MED12L: variants seen among roughly 807,000 people sequenced by gnomAD.
MED12L encodes the protein mediator complex subunit 12L.
A neutral mutation model predicts 281.3 loss-of-function variants in MED12L; 60 were observed. That is an observed-to-expected ratio of 0.21 (90% CI 0.17 to 0.26). The LOEUF is 0.26. Among genes scored for constraint, MED12L ranks in the 10% least tolerant of loss-of-function variants. The pLI is 1.00. For synonymous variants in MED12L, 974 were observed against 987.2 expected (o/e 0.99, Z 0.25); for missense variants, 2,146 against 2,680.9 (o/e 0.80, Z 4.41).
chr3:151,342,004 T>C (rs574777857), intron 16 of MED12L, among the ~76,000 whole-genome samples: 30 of 152,292 alleles, frequency 2.0e-4, no homozygotes, highest in Admixed American at 1.0e-3. Context: ...TGGTTCCAAG[T>C]CTTTGCTATT....
chr3:151,158,108 G>T (rs905442452), intron 6 of MED12L, among the ~76,000 whole-genome samples: 1 of 152,136 alleles, frequency 6.6e-6, no homozygotes, highest in Non-Finnish European at 1.5e-5. Flanking sequence ...ATTGTAGGGG[G>T]TATTACTGTT....
chr3:151,110,324 A>G (rs778134947), intron 2 of MED12L, among the ~76,000 whole-genome samples: 42 of 152,184 alleles, frequency 2.8e-4, no homozygotes, highest in Admixed American at 1.7e-3. Flanking sequence ...AATGCTGCCT[A>G]ATACCATTAA....
Position 151,369,369 on chromosome 3 carries a change from C to A in MED12L, c.3551-67C>A, listed in dbSNP as rs988009831. Reference sequence around the variant, plus strand: ...AGTCTAACAATGAAAGGCTGACTGCCTGTAAATAATTACAAAACATTACTA... The same window carrying A: ...AGTCTAACAATGAAAGGCTGACTGCATGTAAATAATTACAAAACATTACTA... On this transcript the variant is annotated intron_variant, in intron 25 of 44. Transcript: ENST00000687756. 4 of 1,112,500 alleles carry A rather than the reference C, an allele frequency of 3.6e-6. No individual in the cohort carries two copies. In the African/African-American group the frequency reaches 4.7e-5, roughly 13 times the overall value. 68.9% of individuals were successfully genotyped at this position (1,112,500 alleles called of 1,614,324 possible).
intron 16 of MED12L, among the ~76,000 whole-genome samples, chr3:151,255,357 A>G (rs550032893): frequency 1.5e-4 from 23 of 152,150 alleles, no homozygotes; most frequent in African/African-American, 4.8e-4. Context: ...CCATAGTTCA[A>G]AAGTTGGGGG....
At chr3:151,300,409 C>T (rs977561458) in intron 16 of MED12L, among the ~76,000 whole-genome samples, 1 of 152,164 alleles carries the variant, frequency 6.6e-6, no homozygotes, top group Admixed American at 6.5e-5. Context: ...CATACCTTAA[C>T]ATTTCTGAGC....
Position 151,394,877 on chromosome 3 carries a change from G to T in MED12L, c.5820+10G>T, listed in dbSNP as rs761011900. 2 of 1,613,590 alleles carry T rather than the reference G, an allele frequency of 1.2e-6. No individual in the cohort carries two copies. The highest frequency in any genetic ancestry group is 1.1e-5 in the South Asian group (1 of 91,034). ...TCGGCCTTTCCAACAGGTTTGTCCAGACCCCAGCAATGGAGTCCTTTGCAT... is the reference window on the plus strand; with the variant it reads ...TCGGCCTTTCCAACAGGTTTGTCCATACCCCAGCAATGGAGTCCTTTGCAT... On this transcript the variant is annotated intron_variant, in intron 39 of 44. Transcript: ENST00000687756.
chr3:151,118,934 G>T (rs1469035122), intron 3 of MED12L, among the ~76,000 whole-genome samples: 2 of 152,128 alleles, frequency 1.3e-5, no homozygotes, highest in African/African-American at 4.8e-5. Context: ...TAATCTGCCT[G>T]CCTTGGCCTC....
intron 11 of MED12L, among the ~76,000 whole-genome samples, chr3:151,169,041 T>C (rs531856956): frequency 6.6e-6 from 1 of 152,212 alleles, no homozygotes; most frequent in African/African-American, 2.4e-5. Context: ...GGTATATATG[T>C]ATATGTAATC....
chr3:151,213,748 A>G, intron 16 of MED12L: 2 of 1,614,180 alleles, frequency 1.2e-6, no homozygotes, highest in Non-Finnish European at 1.7e-6. Flanking sequence ...GGCCACGAAG[A>G]TGTAGTTTGA....
At chr3:151,295,154 C>T (rs1368040958) in intron 16 of MED12L, 1 of 1,613,212 alleles carries the variant, frequency 6.2e-7, no homozygotes, top group Admixed American at 1.7e-5. Flanking sequence ...GGTGTTCTTT[C>T]CTGGCCCGTC....
chr3:151,355,575 A>G (rs1753808581), intron 18 of MED12L, among the ~76,000 whole-genome samples: 1 of 152,234 alleles, frequency 6.6e-6, no homozygotes, highest in Non-Finnish European at 1.5e-5. Context: ...GACATTGAGA[A>G]GAAAACACAT....
intron 43 of MED12L, chr3:151,425,772 A>T (rs992639701): frequency 1.1e-5 from 5 of 456,536 alleles, no homozygotes; most frequent in Non-Finnish European, 2.2e-5. Flanking sequence ...ATGTTAAACC[A>T]TATGTTTGCT....
chr3:151,284,779 T>C (rs1197673778), intron 16 of MED12L, among the ~76,000 whole-genome samples: 2 of 152,200 alleles, frequency 1.3e-5, no homozygotes, highest in Non-Finnish European at 2.9e-5. Context: ...TGGCTAATTT[T>C]GTATTTTCAG....
At position 151,106,258 on chromosome 3, in the gene MED12L, CT is replaced by C. The variant is rs1478022129; in HGVS notation, c.100-10076del. Among the ~76,000 whole-genome samples the C allele has an allele frequency of 5.1e-5, 7 of 137,776 alleles. No homozygotes were observed. In the East Asian group the frequency reaches 1.2e-3, roughly 24 times the overall value. The allele number at this position is 137,776 out of a possible 152,430, so 90.4% of individuals were successfully genotyped here. ...CTTCCTTTCCTTTCCTTTCCTTTTCCTTTTCCCTTTCCCTTTCCCTTTCCTT... is the reference window on the plus strand; with the variant it reads ...CTTCCTTTCCTTTCCTTTCCTTTTCCTTTCCCTTTCCCTTTCCCTTTCCTT... On this transcript the variant is annotated intron_variant, in intron 2 of 44. Transcript: ENST00000687756.
chr3:151,412,306 C>G (rs535395539), intron 41 of MED12L, among the ~76,000 whole-genome samples: 2 of 152,190 alleles, frequency 1.3e-5, no homozygotes, highest in Non-Finnish European at 2.9e-5. Context: ...AAGTTTTGAT[C>G]AGGGAGCCTT....
chr3:151,211,614 T>A (rs980345735), intron 16 of MED12L, among the ~76,000 whole-genome samples: 7 of 152,204 alleles, frequency 4.6e-5, no homozygotes, highest in African/African-American at 1.7e-4. Flanking sequence ...GAGTTTTGCC[T>A]AAAATATTGA....
Position 151,432,816 on chromosome 3 carries a change from G to C in MED12L, c.*12G>C, listed in dbSNP as rs772503725. 1.9e-6 allele frequency: 3 copies of C among 1,608,190 alleles called. No homozygotes were observed. The African/African-American group carries it at 4.0e-5, about 22-fold the overall frequency. ...CTTCACACTTCTGAATCTGCAAGAG[G>C]AGAAGACATGACGTTTTATGTTTGC... On this transcript the variant is annotated 3_prime_UTR_variant, in exon 45 of 45. Coordinates refer to ENST00000687756, the MANE Select transcript of MED12L (RefSeq NM_001393769.1).
intron 14 of MED12L, among the ~76,000 whole-genome samples, chr3:151,191,282 G>A (rs1345983450): frequency 6.6e-6 from 1 of 152,130 alleles, no homozygotes; most frequent in East Asian, 1.9e-4. Context: ...TTAAGTGTCA[G>A]CTGAGTTTTC....
In MED12L at chr3:151,432,892, C is replaced by G. The variant is rs1407804485; in HGVS notation, c.*88C>G. ...ATGCATTAGTCATCTTAAAAATGTC[C>G]CTTTTTTTCATTTCTTTGACATTTT... On this transcript the variant is annotated 3_prime_UTR_variant, in exon 45 of 45. Coordinates refer to ENST00000687756, the MANE Select transcript of MED12L (RefSeq NM_001393769.1). 2.1e-6 allele frequency: 2 copies of G among 963,904 alleles called. No homozygotes were observed. The highest frequency in any genetic ancestry group is 3.1e-6 in the Non-Finnish European group (2 of 648,924). The allele number at this position is 963,904 out of a possible 1,614,324, so 59.7% of individuals were successfully genotyped here. A position where few individuals can be genotyped will look rare whatever the true frequency, so the allele number is the denominator to read the frequency against.
Sources: allele counts gnomAD v4.1 joint callset (sites outside exome capture counted in the v4.1 genomes callset), GRCh38; gene constraint gnomAD v4.1.1; transcripts MANE v1.5; gene names NCBI Gene and HGNC (gene_info 2026-07-23, HGNC 2026-07-21).